GNAO1: variants seen among roughly 807,000 people sequenced by gnomAD.
GNAO1 encodes G protein subunit alpha o1, also known as guanine nucleotide-binding protein G(o) subunit alpha.
For missense variants in GNAO1, 166 were observed against 478.7 expected (o/e 0.35, Z 6.10); for synonymous variants, 164 against 180.7 (o/e 0.91, Z 0.74).
chr16:56,207,077 A>G (rs1346935713), intron 2 of GNAO1, among the ~76,000 whole-genome samples: 1 of 152,258 alleles, frequency 6.6e-6, no homozygotes, highest in Non-Finnish European at 1.5e-5. Flanking sequence ...ATTTGCAAGC[A>G]ATTCATGATC....
At chr16:56,218,851 G>A (rs1222170331) in intron 2 of GNAO1, among the ~76,000 whole-genome samples, 2 of 152,146 alleles carry the variant, frequency 1.3e-5, no homozygotes, top group Admixed American at 6.5e-5. Context: ...GTCACCTCAC[G>A]GAAGCCTTCT....
intron 2 of GNAO1, among the ~76,000 whole-genome samples, chr16:56,222,806 A>G (rs2036503156): frequency 6.6e-6 from 1 of 152,158 alleles, no homozygotes; most frequent in South Asian, 2.1e-4. Context: ...GCAATGTGAC[A>G]CGGCTTTGCT....
intron 2 of GNAO1, among the ~76,000 whole-genome samples, chr16:56,249,382 A>C (rs2036778895): frequency 6.6e-6 from 1 of 152,196 alleles, no homozygotes; most frequent in African/African-American, 2.4e-5. Flanking sequence ...CACCATCTCA[A>C]CACAGTGCTG....
rs369095947 is a variant in GNAO1 at position 56,281,741 on chromosome 16, CCTTGTTCTGG to C, written c.303+5672_303+5681del. Among the ~76,000 whole-genome samples, 294 of 152,306 alleles carry C rather than the reference CCTTGTTCTGG, an allele frequency of 1.9e-3. 1 individual carries two copies. The highest frequency in any genetic ancestry group is 6.9e-3 in the African/African-American group (286 of 41,560). On this transcript the variant is annotated intron_variant, in intron 3 of 8. Transcript: ENST00000262493. ...ACATCTGCATCACAAAAGCAGAGGG[CCTTGTTCTGG>C]CTGAGCTGGCCTAAACTCTGACACT...
chr16:56,195,074 CTTT>C (rs76130140), intron 2 of GNAO1, among the ~76,000 whole-genome samples: 30 of 93,604 alleles, frequency 3.2e-4, no homozygotes, highest in South Asian at 1.5e-3. Context: ...TTTACTTCTC[CTTT>C]TTTTTTTTTT....
At chr16:56,257,730 C>G (rs898134626) in intron 2 of GNAO1, among the ~76,000 whole-genome samples, 1 of 152,212 alleles carries the variant, frequency 6.6e-6, no homozygotes, top group African/African-American at 2.4e-5. Flanking sequence ...TTCCTTCTTA[C>G]CAACATGCAG....
At position 56,356,093 on chromosome 16, in the gene GNAO1, C is replaced by T. The variant is rs762305356; in HGVS notation, c.*29-10C>T. On this transcript the variant is annotated splice_polypyrimidine_tract_variant and intron_variant, in intron 8 of 8. Coordinates refer to ENST00000262493, the MANE Select transcript of GNAO1 (RefSeq NM_020988.3). The stretch of plus-strand genomic sequence containing the variant: ...TGGTCAGACTGGACCCCTTATCTCT[C>T]TCTCTACAGACTGCTTCACGGACTC... 3.9e-5 allele frequency: 6 copies of T among 152,716 alleles called. No individual in the cohort carries two copies. The highest frequency in any genetic ancestry group is 7.3e-5 in the Non-Finnish European group (5 of 68,076). 9.5% of individuals were successfully genotyped at this position (152,716 alleles called of 1,614,324 possible). A position where few individuals can be genotyped will look rare whatever the true frequency, so the allele number is the denominator to read the frequency against.
chr16:56,221,651 CAAAAA>C (rs11306838), intron 2 of GNAO1, among the ~76,000 whole-genome samples: 11,024 of 84,220 alleles, frequency 0.13, 582 homozygotes, highest in South Asian at 0.25. Context: ...GACTGCATCT[CAAAAA>C]AAAAAAAAAA....
At chr16:56,347,956 C>T in intron 6 of GNAO1, 2 of 969,348 alleles carry the variant, frequency 2.1e-6, no homozygotes, top group Non-Finnish European at 2.5e-6. Flanking sequence ...CCCCACGCAC[C>T]CCCCTCCCCC....
rs145021344 is a variant in GNAO1, at chr16:56,348,351, G to A, written c.724-3033G>A. 2.1e-3 allele frequency among the ~76,000 whole-genome samples: 314 copies of A among 152,296 alleles called. 2 individuals carry two copies. The highest frequency in any genetic ancestry group is 6.8e-3 in the African/African-American group (281 of 41,582). ...CCTGCTGGGGACAGAGGATCAGGGC[G>A]ACTGGGCGCCCTGCCCCCCTGTCAG... On this transcript the variant is annotated intron_variant, in intron 6 of 8. Transcript: ENST00000262493.
intron 2 of GNAO1, among the ~76,000 whole-genome samples, chr16:56,231,897 G>T (rs558476874): frequency 6.6e-6 from 1 of 152,306 alleles, no homozygotes; most frequent in East Asian, 1.9e-4. Flanking sequence ...AGGAGAAGGT[G>T]CACCTCTGTG....
chr16:56,244,761 C>T (rs1567452744), intron 2 of GNAO1, among the ~76,000 whole-genome samples: 2 of 152,144 alleles, frequency 1.3e-5, no homozygotes, highest in Admixed American at 1.3e-4. Context: ...AGAGTGTGGG[C>T]TGGCCAGTAT....
chr16:56,283,630 A>G (rs1313942394), intron 3 of GNAO1, among the ~76,000 whole-genome samples: 2 of 152,198 alleles, frequency 1.3e-5, no homozygotes, highest in African/African-American at 4.8e-5. Flanking sequence ...CAAGGATGCT[A>G]TCTGGCCTGT....
intron 3 of GNAO1, among the ~76,000 whole-genome samples, chr16:56,301,418 G>A (rs1291858346): frequency 6.6e-6 from 1 of 152,208 alleles, no homozygotes; most frequent in Non-Finnish European, 1.5e-5. Flanking sequence ...TCAAACCCCA[G>A]CTCTTGCTTC....
At chr16:56,294,775 T>G (rs1273558888) in intron 3 of GNAO1, among the ~76,000 whole-genome samples, 4 of 152,204 alleles carry the variant, frequency 2.6e-5, no homozygotes, top group Non-Finnish European at 2.9e-5. Context: ...CACTGACATT[T>G]GGATTGCCAG....
chr16:56,269,417 G>A (rs777593226), intron 2 of GNAO1, among the ~76,000 whole-genome samples: 12 of 152,188 alleles, frequency 7.9e-5, no homozygotes, highest in South Asian at 2.1e-4. Context: ...CTGACTGCAC[G>A]TTCTCCCCCG....
intron 3 of GNAO1, among the ~76,000 whole-genome samples, chr16:56,298,414 T>C (rs935485003): frequency 1.5e-4 from 23 of 152,152 alleles, no homozygotes; most frequent in Admixed American, 1.4e-3. Flanking sequence ...ACAGTGATGA[T>C]GACAAGGGCA....
rs1019413369 is a variant in GNAO1 at position 56,354,347 on chromosome 16, A to G, written c.878-519A>G. ...TGCTCAGCCTGTGTATGGTTGGTGC[A>G]AAAGTAATTGCAGTAATTGCAGTTT... On this transcript the variant is annotated intron_variant, in intron 7 of 8. Transcript: ENST00000262493. The surrounding 1 kb of genome is among the most constrained non-coding windows in gnomAD (Gnocchi z 4.3). Among the ~76,000 whole-genome samples the G allele has an allele frequency of 3.7e-5, 5 of 136,566 alleles. No homozygotes were observed. The highest frequency in any genetic ancestry group is 6.2e-5 in the Non-Finnish European group (4 of 65,032). 89.6% of individuals were successfully genotyped at this position (136,566 alleles called of 152,430 possible).
At chr16:56,243,633 A>G (rs1409693849) in intron 2 of GNAO1, among the ~76,000 whole-genome samples, 1 of 152,164 alleles carries the variant, frequency 6.6e-6, no homozygotes, top group African/African-American at 2.4e-5. Flanking sequence ...TTGCCAAGGA[A>G]TTGGAGGGAG....
Sources: gnomAD v4.1 joint callset for allele counts (sites outside exome capture counted in the v4.1 genomes callset) on GRCh38, gnomAD v4.1.1 for gene constraint, Gnocchi (gnomAD v3.1) non-coding constraint, MANE v1.5 for transcripts, NCBI Gene and HGNC (gene_info 2026-07-23, HGNC 2026-07-21) for gene names.